LRMDA: variants seen among roughly 807,000 people sequenced by gnomAD.
LRMDA encodes leucine rich melanocyte differentiation associated.
Under a neutral mutation model 29.8 loss-of-function variants are expected in LRMDA, and 18 were observed. That is an observed-to-expected ratio of 0.60 (90% CI 0.42 to 0.90). LRMDA has a LOEUF of 0.90. Among genes scored for constraint, LRMDA ranks in the 40% least tolerant of loss-of-function variants. The probability of loss-of-function intolerance (pLI) is 0.00; values close to 1 mark genes in which losing one functional copy is unlikely to be tolerated. For missense variants in LRMDA, 273 were observed against 273.9 expected (o/e 1.00, Z 0.02); for synonymous variants, 125 against 109.4 (o/e 1.14, Z -0.89).
At chr10:75,912,683 T>A (rs1845861899) in intron 2 of LRMDA, among the ~76,000 whole-genome samples, 1 of 152,100 alleles carries the variant, frequency 6.6e-6, no homozygotes, top group African/African-American at 2.4e-5. Context: ...TTATTGATGG[T>A]TTGAATGTGA....
intron 3 of LRMDA, among the ~76,000 whole-genome samples, chr10:76,041,747 A>G (rs1407383677): frequency 1.3e-5 from 2 of 152,112 alleles, no homozygotes; most frequent in Non-Finnish European, 2.9e-5. Flanking sequence ...TCCTTTGGCA[A>G]GCCTCCCCAT....
intron 2 of LRMDA, among the ~76,000 whole-genome samples, chr10:75,745,570 C>T (rs573327023): frequency 3.3e-5 from 5 of 152,216 alleles, no homozygotes; most frequent in Non-Finnish European, 5.9e-5. Flanking sequence ...TCCTGTAATT[C>T]GCCTAACCTA....
chr10:75,869,312 C>G (rs1232644015), intron 2 of LRMDA, among the ~76,000 whole-genome samples: 1 of 152,182 alleles, frequency 6.6e-6, no homozygotes, highest in Non-Finnish European at 1.5e-5. Flanking sequence ...GAGCCTAGTT[C>G]TGGTTACCAT....
chr10:76,351,985 T>C lies in LRMDA; in HGVS notation c.601+27500T>C, dbSNP rs555681533. On this transcript the variant is annotated intron_variant, in intron 6 of 6. Transcript: ENST00000611255. ...TGAAGTCTGGGTTTGAATCCTGGCT[T>C]TGCCACTTATTGACTCTGTGACTCT... Among the ~76,000 whole-genome samples, 13 of 152,262 alleles carry C rather than the reference T, an allele frequency of 8.5e-5. No individual in the cohort carries two copies. The South Asian group carries it at 2.7e-3, about 32-fold the overall frequency.
At chr10:75,793,720 C>G (rs1589206442) in intron 2 of LRMDA, among the ~76,000 whole-genome samples, 1 of 152,194 alleles carries the variant, frequency 6.6e-6, no homozygotes, top group Non-Finnish European at 1.5e-5. Flanking sequence ...CCCTCTGTCA[C>G]AGTGACTAGC....
intron 6 of LRMDA, among the ~76,000 whole-genome samples, chr10:76,541,942 A>G (rs542991358): frequency 2.0e-5 from 3 of 152,244 alleles, no homozygotes; most frequent in African/African-American, 7.2e-5. Context: ...GTTGAGTGTA[A>G]TTGCTAAATA....
At chr10:76,554,953 T>C (rs1176467704) in intron 6 of LRMDA, among the ~76,000 whole-genome samples, 1 of 152,144 alleles carries the variant, frequency 6.6e-6, no homozygotes, top group Admixed American at 6.5e-5. Context: ...TTGTGTTCTT[T>C]ATGACATCCG....
intron 2 of LRMDA, among the ~76,000 whole-genome samples, chr10:75,653,352 G>A (rs759423787): frequency 6.6e-6 from 1 of 152,142 alleles, no homozygotes; most frequent in South Asian, 2.1e-4. Context: ...TCACTTCGAG[G>A]TGATGGGTGA....
intron 5 of LRMDA, among the ~76,000 whole-genome samples, chr10:76,241,073 G>T (rs533043239): frequency 1.3e-5 from 2 of 151,962 alleles, no homozygotes; most frequent in African/African-American, 4.8e-5. Context: ...AGAATGCAAA[G>T]GTATAAGAAT....
chr10:75,774,393 T>A (rs1419598129), intron 2 of LRMDA, among the ~76,000 whole-genome samples: 1 of 152,198 alleles, frequency 6.6e-6, no homozygotes, highest in Non-Finnish European at 1.5e-5. Flanking sequence ...GATGGCTAAA[T>A]GTCATTTTTA....
chr10:75,744,048 A>G (rs1842862810), intron 2 of LRMDA, among the ~76,000 whole-genome samples: 1 of 152,226 alleles, frequency 6.6e-6, no homozygotes, highest in East Asian at 1.9e-4. Flanking sequence ...ATAATAAAAT[A>G]TACATGAAAA....
intron 2 of LRMDA, among the ~76,000 whole-genome samples, chr10:75,586,659 A>G (rs1840660250): frequency 6.6e-6 from 1 of 151,842 alleles, no homozygotes; most frequent in Admixed American, 6.6e-5. Context: ...TTTTTTTGAT[A>G]ATAGCCATCC....
chr10:75,771,771 G>T (rs1489417482), intron 2 of LRMDA, among the ~76,000 whole-genome samples: 1 of 152,048 alleles, frequency 6.6e-6, no homozygotes, highest in Non-Finnish European at 1.5e-5. Context: ...AGACAGAGGT[G>T]GGGGGGTTTT....
intron 5 of LRMDA, among the ~76,000 whole-genome samples, chr10:76,141,727 T>G (rs1850204820): frequency 6.6e-6 from 1 of 152,114 alleles, no homozygotes; most frequent in Non-Finnish European, 1.5e-5. Context: ...TGGACATATA[T>G]CCAGCTTTCA....
intron 2 of LRMDA, among the ~76,000 whole-genome samples, chr10:75,861,540 G>A (rs1383157515): frequency 6.6e-6 from 1 of 151,624 alleles, no homozygotes; most frequent in Non-Finnish European, 1.5e-5. Context: ...TTTTTTATTT[G>A]TTTATAAATT....
intron 2 of LRMDA, among the ~76,000 whole-genome samples, chr10:75,538,596 GT>G (rs1256468470): frequency 1.4e-5 from 2 of 144,900 alleles, no homozygotes; most frequent in African/African-American, 5.3e-5. Flanking sequence ...GCATTGAGTA[GT>G]TTTGTTTGTT....
chr10:76,087,302 C>G (rs911247030), intron 5 of LRMDA, among the ~76,000 whole-genome samples: 3 of 152,098 alleles, frequency 2.0e-5, no homozygotes, highest in Admixed American at 2.0e-4. Context: ...GGCTTTTGAC[C>G]AGGTTTTGCC....
intron 2 of LRMDA, among the ~76,000 whole-genome samples, chr10:75,806,131 A>T (rs1448138348): frequency 1.3e-5 from 2 of 152,160 alleles, no homozygotes; most frequent in Non-Finnish European, 2.9e-5. Flanking sequence ...AAACCACCTG[A>T]TCTCATGATA....
At chr10:76,135,402 CA>C (rs1850075726) in intron 5 of LRMDA, among the ~76,000 whole-genome samples, 1 of 152,312 alleles carries the variant, frequency 6.6e-6, no homozygotes, top group Admixed American at 6.5e-5. Flanking sequence ...TGGAGTTTTA[CA>C]TTTTTTGTGC....
Sources: gnomAD v4.1 joint callset for allele counts (sites outside exome capture counted in the v4.1 genomes callset) on GRCh38, gnomAD v4.1.1 for gene constraint, MANE v1.5 for transcripts, NCBI Gene and HGNC (gene_info 2026-07-23, HGNC 2026-07-21) for gene names.